SGCZ: variants seen among roughly 807,000 people sequenced by gnomAD.
SGCZ encodes sarcoglycan zeta, also known as zeta-sarcoglycan.
Under a neutral mutation model 41.3 loss-of-function variants are expected in SGCZ, and 40 were observed. That is an observed-to-expected ratio of 0.97 (90% CI 0.75 to 1.26). The LOEUF is 1.26. SGCZ is among the 50% of genes most tolerant of loss of function. The probability of loss-of-function intolerance (pLI) is 0.00; values close to 1 mark genes in which losing one functional copy is unlikely to be tolerated. For missense variants in SGCZ, 552 were observed against 369.8 expected (o/e 1.49, Z -4.04); for synonymous variants, 206 against 137.5 (o/e 1.50, Z -3.49).
At chr8:15,079,438 A>G (rs114004024) in intron 1 of SGCZ, among the ~76,000 whole-genome samples, 233 of 152,186 alleles carry the variant, frequency 1.5e-3, no homozygotes, top group African/African-American at 5.3e-3. Context: ...GACTATTGCT[A>G]TTGCTAACTA....
At chr8:15,223,697 T>C (rs2117190251) in intron 1 of SGCZ, among the ~76,000 whole-genome samples, 1 of 152,280 alleles carries the variant, frequency 6.6e-6, no homozygotes, top group South Asian at 2.1e-4. Context: ...ATATAAAACA[T>C]AGACAATCCA....
intron 1 of SGCZ, among the ~76,000 whole-genome samples, chr8:15,142,355 T>C (rs1040695674): frequency 1.3e-5 from 2 of 152,184 alleles, no homozygotes; most frequent in East Asian, 3.9e-4. Flanking sequence ...ATATTGGTTA[T>C]ATTTAATACC....
At chr8:14,165,482 G>C (rs567390560) in intron 4 of SGCZ, 1 of 152,178 alleles carries the variant, frequency 6.6e-6, no homozygotes, top group East Asian at 1.9e-4. Context: ...GGCCTTGAAG[G>C]TGAATGTTAA....
intron 1 of SGCZ, among the ~76,000 whole-genome samples, chr8:14,839,067 G>C (rs73201273): frequency 0.015 from 2,236 of 152,302 alleles, 19 homozygotes; most frequent in Middle Eastern, 0.034. Flanking sequence ...GGCAAGAATA[G>C]ACTTTCAGGT....
At chr8:15,002,597 C>G (rs1332273507) in intron 1 of SGCZ, among the ~76,000 whole-genome samples, 2 of 152,088 alleles carry the variant, frequency 1.3e-5, no homozygotes, top group Admixed American at 6.6e-5. Context: ...AAGACTGACT[C>G]CAGAAGCAAA....
chr8:15,001,765 T>C (rs1382858870), intron 1 of SGCZ, among the ~76,000 whole-genome samples: 3 of 147,678 alleles, frequency 2.0e-5, no homozygotes, highest in Non-Finnish European at 3.0e-5. Flanking sequence ...AAAAAAGGAG[T>C]TGAGTGTAAT....
chr8:14,229,537 A>C (rs1267108001), intron 4 of SGCZ, among the ~76,000 whole-genome samples: 6 of 152,130 alleles, frequency 3.9e-5, no homozygotes, highest in Non-Finnish European at 8.8e-5. Context: ...ATGTATATGT[A>C]GTATTAAACC....
At chr8:15,025,044 A>G (rs1248270469) in intron 1 of SGCZ, among the ~76,000 whole-genome samples, 1 of 152,034 alleles carries the variant, frequency 6.6e-6, no homozygotes, top group Non-Finnish European at 1.5e-5. Context: ...GGAACTAGAC[A>G]GTAACTTAAA....
chr8:14,520,769 T>C (rs763728154), intron 2 of SGCZ, among the ~76,000 whole-genome samples: 3 of 152,166 alleles, frequency 2.0e-5, no homozygotes, highest in Non-Finnish European at 2.9e-5. Context: ...AGGAATCTTA[T>C]GCTAATTGTC....
chr8:14,865,375 TC>T (rs1351433144), intron 1 of SGCZ, among the ~76,000 whole-genome samples: 1 of 152,060 alleles, frequency 6.6e-6, no homozygotes, highest in Admixed American at 6.6e-5. Context: ...TACCTCACCT[TC>T]CTATGATGTC....
At chr8:14,300,207 T>C (rs1194188866) in intron 3 of SGCZ, among the ~76,000 whole-genome samples, 2 of 151,166 alleles carry the variant, frequency 1.3e-5, no homozygotes, top group Non-Finnish European at 2.9e-5. Flanking sequence ...TATATACATA[T>C]TTTAATTAAA....
chr8:15,049,818 C>G (rs1002727419), intron 1 of SGCZ, among the ~76,000 whole-genome samples: 2 of 152,128 alleles, frequency 1.3e-5, no homozygotes, highest in African/African-American at 4.8e-5. Context: ...GAATAAGTCT[C>G]ATGAGATCTG....
intron 2 of SGCZ, among the ~76,000 whole-genome samples, chr8:14,443,939 T>C (rs1800351116): frequency 2.0e-5 from 3 of 152,134 alleles, no homozygotes; most frequent in Admixed American, 2.0e-4. Flanking sequence ...ATCCAGAATC[T>C]ACAATGAACT....
chr8:15,070,831 T>C (rs1344761149), intron 1 of SGCZ, among the ~76,000 whole-genome samples: 1 of 152,208 alleles, frequency 6.6e-6, no homozygotes, highest in Non-Finnish European at 1.5e-5. Flanking sequence ...CTTAGTAGCA[T>C]AGTAGAAAAA....
Position 14,843,110 on chromosome 8 carries a change from G to A in SGCZ, c.40-288184C>T, listed in dbSNP as rs948704871. Among the ~76,000 whole-genome samples the A allele has an allele frequency of 6.9e-4, 105 of 152,276 alleles. 1 individual carries two copies. The highest frequency in any genetic ancestry group is 3.4e-3 in the Middle Eastern group (1 of 294). On this transcript the variant is annotated intron_variant, in intron 1 of 7. Coordinates refer to ENST00000382080, the MANE Select transcript of SGCZ (RefSeq NM_139167.4). Reference sequence around the variant, plus strand: ...ACCTGTAATCCCAGCTACTTGGAAGGCTGAGGCAGGAGAATTGCTTGAACC... The same window carrying A: ...ACCTGTAATCCCAGCTACTTGGAAGACTGAGGCAGGAGAATTGCTTGAACC...
chr8:14,783,236 C>T, intron 1 of SGCZ, among the ~76,000 whole-genome samples: 1 of 152,118 alleles, frequency 6.6e-6, no homozygotes, highest in East Asian at 1.9e-4. Flanking sequence ...GAGTTCAAGA[C>T]AAGCCTGGTC....
chr8:14,514,803 GTGTGTGTGTGTATA>G (rs1176391976), intron 2 of SGCZ, among the ~76,000 whole-genome samples: 7 of 108,052 alleles, frequency 6.5e-5, no homozygotes, highest in African/African-American at 2.4e-4. Context: ...GTGTGTGTGT[GTGTGTGTGTGTATA>G]TATACACGCA....
chr8:15,133,782 T>C (rs1316584244), intron 1 of SGCZ, among the ~76,000 whole-genome samples: 1 of 152,068 alleles, frequency 6.6e-6, no homozygotes, highest in African/African-American at 2.4e-5. Context: ...GTAGTTGAAG[T>C]TTATATTAGC....
At chr8:14,370,346 T>G (rs1803867113) in intron 2 of SGCZ, among the ~76,000 whole-genome samples, 1 of 151,962 alleles carries the variant, frequency 6.6e-6, no homozygotes, top group South Asian at 2.1e-4. Flanking sequence ...TGTAGTATAT[T>G]GCTTTAGTTG....
Sources: gnomAD v4.1 joint callset for allele counts (sites outside exome capture counted in the v4.1 genomes callset) on GRCh38, gnomAD v4.1.1 for gene constraint, MANE v1.5 for transcripts, NCBI Gene and HGNC (gene_info 2026-07-23, HGNC 2026-07-21) for gene names.